Variants in ST3GAL3 observed in about 807,000 individuals in gnomAD.
ST3GAL3 encodes the protein ST3 beta-galactoside alpha-2,3-sialyltransferase 3, also known as CMP-N-acetylneuraminate-beta-1,4-galactoside alpha-2,3-sialyltransferase.
Under a neutral mutation model 50.1 loss-of-function variants are expected in ST3GAL3, and 21 were observed. The ratio of observed to expected loss-of-function variants is 0.42; its 90% confidence interval spans 0.30 to 0.60. ST3GAL3 has a LOEUF of 0.60. Among genes scored for constraint, ST3GAL3 ranks in the 20% least tolerant of loss-of-function variants. The pLI, the probability that ST3GAL3 is intolerant of heterozygous loss-of-function variation, is 0.19. For synonymous variants in ST3GAL3, 183 were observed against 190.0 expected (o/e 0.96, Z 0.30); for missense variants, 353 against 489.4 (o/e 0.72, Z 2.63).
In ST3GAL3 at chr1:43,930,673, G is replaced by A. The variant is rs1296733560; in HGVS notation, c.*452G>A. The stretch of plus-strand genomic sequence containing the variant: ...GAGGGCCCATCAGGCAGTGTTACCT[G>A]TTAGCTCCCTGTGGGGCAGGAGTGC... On this transcript the variant is annotated 3_prime_UTR_variant, in exon 12 of 12. Transcript: ENST00000347631. 3.3e-6 allele frequency: 1 copy of A among 307,658 alleles called. No individual in the cohort carries two copies. The highest frequency in any genetic ancestry group is 3.0e-5 in the South Asian group (1 of 32,930). 19.1% of individuals were successfully genotyped at this position (307,658 alleles called of 1,614,324 possible).
chr1:43,889,379 G>A (rs1052216440), intron 5 of ST3GAL3, among the ~76,000 whole-genome samples: 5 of 152,078 alleles, frequency 3.3e-5, no homozygotes, highest in Non-Finnish European at 7.4e-5. Context: ...TGTGTAACTA[G>A]GCAAAACTCT....
At chr1:43,814,225 A>T (rs555463256) in intron 3 of ST3GAL3, among the ~76,000 whole-genome samples, 5 of 152,266 alleles carry the variant, frequency 3.3e-5, no homozygotes, top group African/African-American at 4.8e-5. Flanking sequence ...GCATTTTCCT[A>T]TGTTTATGTC....
At chr1:43,801,607 A>G (rs983137648) in intron 3 of ST3GAL3, 16 of 263,734 alleles carry the variant, frequency 6.1e-5, no homozygotes, top group African/African-American at 3.5e-4. Context: ...AGTTGTCTAC[A>G]TAGGGCATTG....
At chr1:43,749,549 C>A (rs2108419) in intron 2 of ST3GAL3, among the ~76,000 whole-genome samples, 48,699 of 151,970 alleles carry the variant, frequency 0.32, 9,357 homozygotes, top group East Asian at 0.53. Flanking sequence ...TCAGCCTGGA[C>A]AACACAGTGA....
chr1:43,735,388 AG>A (rs1677941176), intron 1 of ST3GAL3, among the ~76,000 whole-genome samples: 1 of 152,222 alleles, frequency 6.6e-6, no homozygotes, highest in African/African-American at 2.4e-5. Context: ...CAGCTGGAAG[AG>A]AAGCAAGATA....
intron 1 of ST3GAL3, among the ~76,000 whole-genome samples, chr1:43,723,621 T>C (rs1322711602): frequency 6.8e-6 from 1 of 146,154 alleles, no homozygotes; most frequent in Non-Finnish European, 1.5e-5. Flanking sequence ...ATTTCTTTTT[T>C]CTTTTTTTTA....
intron 11 of ST3GAL3, among the ~76,000 whole-genome samples, chr1:43,926,071 G>C (rs1557591243): frequency 2.0e-5 from 3 of 152,140 alleles, no homozygotes; most frequent in South Asian, 4.1e-4. Flanking sequence ...GAAGGGAGTA[G>C]AGAGACTGGG....
Position 43,899,784 on chromosome 1 carries a change from A to T in ST3GAL3, c.744+57A>T. 2.7e-6 allele frequency: 4 copies of T among 1,506,678 alleles called. No individual in the cohort carries two copies. Among genetic ancestry groups the T allele is most frequent in the Non-Finnish European group, 3.7e-6 (4 of 1,084,030 alleles). 93.3% of individuals were successfully genotyped at this position (1,506,678 alleles called of 1,614,324 possible). On this transcript the variant is annotated intron_variant, in intron 9 of 11. Transcript: ENST00000347631. This position sits in a 1 kb window ranked among gnomAD's most constrained non-coding sequence, Gnocchi z 5.4. ...CTTGCCCTGGGCTTCCGCAACTCCT[A>T]AGCAATCCCGCCCCTTGAATGCAGC...
chr1:43,775,740 C>T (rs921069940), intron 2 of ST3GAL3, among the ~76,000 whole-genome samples: 1 of 151,844 alleles, frequency 6.6e-6, no homozygotes, highest in African/African-American at 2.4e-5. Context: ...CCTTGTTCAG[C>T]ATAGTTACCA....
rs566036318 is a variant in ST3GAL3, at chr1:43,836,723, A to G, written c.210-1496A>G. Among the ~76,000 whole-genome samples the G allele has an allele frequency of 4.6e-5, 7 of 152,360 alleles. No individual in the cohort carries two copies. The South Asian group carries it at 1.4e-3, about 32-fold the overall frequency. On this transcript the variant is annotated intron_variant, in intron 4 of 11. Coordinates refer to ENST00000347631, the MANE Select transcript of ST3GAL3 (RefSeq NM_006279.5). ...CCAGGGCTCACTCAGGTGCCCCAGC[A>G]TGCAGGGCCTCCAGCCCCGGCAGTC...
chr1:43,806,701 T>A (rs552257347), intron 3 of ST3GAL3, among the ~76,000 whole-genome samples: 1 of 152,216 alleles, frequency 6.6e-6, no homozygotes, highest in Admixed American at 6.5e-5. Flanking sequence ...TTAATTTTTT[T>A]ATTTTGAAAC....
chr1:43,841,214 G>C (rs1308485379), intron 5 of ST3GAL3: 1 of 152,358 alleles, frequency 6.6e-6, no homozygotes, highest in African/African-American at 2.4e-5. Flanking sequence ...CTACCATTCT[G>C]GGGACTAGAG....
intron 5 of ST3GAL3, among the ~76,000 whole-genome samples, chr1:43,873,430 C>A (rs375983411): frequency 1.3e-5 from 2 of 152,188 alleles, no homozygotes; most frequent in African/African-American, 4.8e-5. Context: ...GCATTATGAA[C>A]TCAAGTTTAA....
intron 5 of ST3GAL3, chr1:43,839,638 T>A (rs967579456): frequency 6.6e-5 from 10 of 152,246 alleles, no homozygotes; most frequent in Non-Finnish European, 1.3e-4. Flanking sequence ...GTACTGTGTA[T>A]TAGGCCGTTC....
At chr1:43,745,703 A>G (rs749696016) in intron 2 of ST3GAL3, among the ~76,000 whole-genome samples, 1 of 152,244 alleles carries the variant, frequency 6.6e-6, no homozygotes, top group Non-Finnish European at 1.5e-5. Flanking sequence ...ATCTTGGCTT[A>G]CTGCAGCCTC....
chr1:43,871,489 G>T (rs1472796956), intron 5 of ST3GAL3, among the ~76,000 whole-genome samples: 2 of 118,744 alleles, frequency 1.7e-5, no homozygotes, highest in African/African-American at 7.5e-5. Flanking sequence ...AGGCTGGGGT[G>T]TGAGGGAGAG....
intron 11 of ST3GAL3, chr1:43,921,375 C>T (rs769385607): frequency 1.9e-5 from 9 of 461,812 alleles, no homozygotes; most frequent in Middle Eastern, 1.1e-3. Flanking sequence ...CCCAAACATC[C>T]GTATGTAGGG....
intron 5 of ST3GAL3, among the ~76,000 whole-genome samples, chr1:43,869,881 C>T (rs768288376): frequency 1.2e-4 from 19 of 152,238 alleles, no homozygotes; most frequent in Admixed American, 9.8e-4. Flanking sequence ...TTGCCCCCAA[C>T]GCTACAGGCA....
intron 5 of ST3GAL3, among the ~76,000 whole-genome samples, chr1:43,872,903 A>C (rs2906457): frequency 0.55 from 83,868 of 152,104 alleles, 27,418 homozygotes; most frequent in Non-Finnish European, 0.73. Context: ...AGGGAAGGCC[A>C]TGCTGATATC....
Sources: gnomAD v4.1 joint callset for allele counts (sites outside exome capture counted in the v4.1 genomes callset) on GRCh38, gnomAD v4.1.1 for gene constraint, Gnocchi (gnomAD v3.1) non-coding constraint, MANE v1.5 for transcripts, NCBI Gene and HGNC (gene_info 2026-07-23, HGNC 2026-07-21) for gene names.